OGDH: variants seen among roughly 807,000 people sequenced by gnomAD.
OGDH encodes 2-oxoglutarate dehydrogenase complex component E1.
OGDH carries 38 observed loss-of-function variants against 116.6 expected under a neutral mutation model. The observed-to-expected ratio is 0.33, with a 90% CI of 0.25 to 0.43. The LOEUF is 0.43. Ranked by LOEUF, OGDH falls within the 20% of genes least tolerant of loss-of-function variation. OGDH has a pLI of 1.00. For missense variants in OGDH, 825 were observed against 1,357.2 expected (o/e 0.61, Z 6.16); for synonymous variants, 488 against 533.3 (o/e 0.92, Z 1.17).
chr7:44,606,881 CG>C (rs1784372389), intron 1 of OGDH, among the ~76,000 whole-genome samples: 1 of 152,022 alleles, frequency 6.6e-6, no homozygotes. Flanking sequence ...GCCTGCCCGG[CG>C]GGCGGAGATT....
At chr7:44,620,467 TTG>T (rs1190616015) in intron 1 of OGDH, among the ~76,000 whole-genome samples, 3 of 152,394 alleles carry the variant, frequency 2.0e-5, no homozygotes, top group African/African-American at 7.2e-5. Flanking sequence ...TCTTATAGTT[TTG>T]TCTCTTACAT....
At chr7:44,685,344 A>T (rs1009587271) in intron 10 of OGDH, among the ~76,000 whole-genome samples, 1 of 152,154 alleles carries the variant, frequency 6.6e-6, no homozygotes, top group African/African-American at 2.4e-5. Flanking sequence ...TACTCTAAGG[A>T]CTTCATATAA....
In OGDH at chr7:44,676,014, G is replaced by A; in HGVS notation, c.1071G>A (p.Arg357=). The A allele has an allele frequency of 6.2e-7, 1 of 1,614,146 alleles. No homozygotes were observed. The highest frequency in any genetic ancestry group is 8.5e-7 in the Non-Finnish European group (1 of 1,180,038). The change falls in exon 9 of 23, where the codon AGG becomes AGA. Residue 357 remains arginine, a synonymous_variant. Coordinates refer to ENST00000222673, the MANE Select transcript of OGDH (RefSeq NM_002541.4). The part of the protein sequence containing the change: ...VKYHLGMYHR[R]INRVTDRNIT... ...ACCACCTGGGCATGTATCACCGCAGGATCAATCGTGTCACCGACAGGAACA... is the reference window on the plus strand; with the variant it reads ...ACCACCTGGGCATGTATCACCGCAGAATCAATCGTGTCACCGACAGGAACA...
rs181867144 is a variant in OGDH, at chr7:44,646,581, G to A, written c.414+1063G>A. Among the ~76,000 whole-genome samples, 16 of 152,354 alleles carry A rather than the reference G, an allele frequency of 1.1e-4. No individual in the cohort carries two copies. In the East Asian group the frequency reaches 3.1e-3, roughly 29 times the overall value. On this transcript the variant is annotated intron_variant, in intron 3 of 22. Transcript: ENST00000222673. ...AGCCCAGTGGTGTTTCTTTATCACT[G>A]CCTGCACGCAGTTGGCCTCAGTAAC...
At position 44,697,542 on chromosome 7, in the gene OGDH, C is replaced by G. The variant is rs1001158077; in HGVS notation, c.2179+45C>G. The G allele has an allele frequency of 6.2e-7, 1 of 1,613,360 alleles. No homozygotes were observed. Among genetic ancestry groups the G allele is most frequent in the Non-Finnish European group, 8.5e-7 (1 of 1,179,420 alleles). On this transcript the variant is annotated intron_variant, in intron 16 of 22. Coordinates refer to ENST00000222673, the MANE Select transcript of OGDH (RefSeq NM_002541.4). This position sits in a 1 kb window ranked among gnomAD's most constrained non-coding sequence, Gnocchi z 6.0. ...CCACCAGGGCCTGTCACCCACCCAC[C>G]CCCGCTGGGCCTACTGGCTGGTGTC...
chr7:44,662,484 A>G (rs1207333303), intron 4 of OGDH, among the ~76,000 whole-genome samples: 12 of 135,752 alleles, frequency 8.8e-5, no homozygotes, highest in Non-Finnish European at 1.2e-4. Context: ...TTTTTTTGAG[A>G]CAGAGTCTCA....
intron 1 of OGDH, among the ~76,000 whole-genome samples, chr7:44,608,759 T>G (rs1422596496): frequency 2.0e-5 from 3 of 152,144 alleles, no homozygotes; most frequent in African/African-American, 7.2e-5. Context: ...TATCATCTAC[T>G]TTTTAGATTT....
chr7:44,651,605 A>T (rs529972761), intron 4 of OGDH, among the ~76,000 whole-genome samples: 2 of 152,332 alleles, frequency 1.3e-5, no homozygotes, highest in South Asian at 2.1e-4. Context: ...TCTTTTGCCC[A>T]GGCTGGAGTG....
intron 2 of OGDH, among the ~76,000 whole-genome samples, chr7:44,641,827 G>A (rs1417408976): frequency 6.6e-6 from 1 of 152,224 alleles, no homozygotes; most frequent in Non-Finnish European, 1.5e-5. Context: ...ACCTGAGGGT[G>A]TCCAGTGTAT....
chr7:44,705,139 A>G (rs1384612927), intron 20 of OGDH, among the ~76,000 whole-genome samples: 9 of 105,820 alleles, frequency 8.5e-5, no homozygotes, highest in Admixed American at 5.9e-4. Context: ...TGCAAGCTCC[A>G]CCTCCCGGGT....
chr7:44,679,402 A>T (rs1787834172), intron 9 of OGDH, among the ~76,000 whole-genome samples: 1 of 152,220 alleles, frequency 6.6e-6, no homozygotes, highest in African/African-American at 2.4e-5. Context: ...CTGCTATCCT[A>T]GTGAGCACCT....
rs541643375 is a variant in OGDH, at chr7:44,700,060, T to C, written c.2431-81T>C. 4 of 1,459,720 alleles carry C rather than the reference T, an allele frequency of 2.7e-6. No individual in the cohort carries two copies. The Admixed American group carries it at 7.5e-5, about 27-fold the overall frequency. 90.4% of individuals were successfully genotyped at this position (1,459,720 alleles called of 1,614,324 possible). On this transcript the variant is annotated intron_variant, in intron 18 of 22. Transcript: ENST00000222673. ...TTTGGGCAGGGACAAATATCCAAAC[T>C]AGATCACCTGAGGGCCCCCACATGC...
intron 4 of OGDH, among the ~76,000 whole-genome samples, chr7:44,652,357 G>A (rs186363970): frequency 6.6e-6 from 1 of 151,904 alleles, no homozygotes; most frequent in Admixed American, 6.6e-5. Context: ...TGATGCCCTC[G>A]CCTCAGCCTC....
chr7:44,607,005 C>T (rs1784379204), intron 1 of OGDH, among the ~76,000 whole-genome samples: 1 of 152,122 alleles, frequency 6.6e-6, no homozygotes. Context: ...GCGGTGCGTC[C>T]GCAGGGGTGA....
At chr7:44,705,456 C>A (rs1484955171) in intron 20 of OGDH, among the ~76,000 whole-genome samples, 2 of 152,146 alleles carry the variant, frequency 1.3e-5, no homozygotes, top group Non-Finnish European at 2.9e-5. Context: ...TGTTGTGAAA[C>A]TTTTGCCCTA....
At chr7:44,670,349 C>A (rs1314098993) in intron 5 of OGDH, among the ~76,000 whole-genome samples, 1 of 152,144 alleles carries the variant, frequency 6.6e-6, no homozygotes, top group Non-Finnish European at 1.5e-5. Context: ...CCTTCCCTCA[C>A]AGCACCCCTC....
intron 1 of OGDH, among the ~76,000 whole-genome samples, chr7:44,618,331 C>T (rs1462302665): frequency 2.0e-5 from 3 of 152,154 alleles, no homozygotes; most frequent in African/African-American, 7.2e-5. Flanking sequence ...ACCATCAGCA[C>T]AATCTAGTTT....
chr7:44,630,096 A>G (rs1323784236), intron 2 of OGDH, among the ~76,000 whole-genome samples: 2 of 152,208 alleles, frequency 1.3e-5, no homozygotes, highest in Non-Finnish European at 2.9e-5. Context: ...GGTGTTTTCT[A>G]TGGGTGAAAC....
At chr7:44,681,995 G>A (rs1193673955) in intron 10 of OGDH, 147 bp downstream of exon 10, 9 of 1,101,412 alleles carry the variant, frequency 8.2e-6, no homozygotes, top group East Asian at 7.7e-5. Flanking sequence ...GCCTGTAATC[G>A]TAGCACTTTG....
Sources: allele counts gnomAD v4.1 joint callset (sites outside exome capture counted in the v4.1 genomes callset), GRCh38; gene constraint gnomAD v4.1.1; non-coding constraint Gnocchi (gnomAD v3.1); transcripts MANE v1.5; gene names NCBI Gene and HGNC (gene_info 2026-07-23, HGNC 2026-07-21).